ARHGEF10: variants seen among roughly 807,000 people sequenced by gnomAD.
The protein encoded by ARHGEF10 is Rho guanine nucleotide exchange factor 10, also known as Rho guanine nucleotide exchange factor (GEF) 10.
Under a neutral mutation model 147.4 loss-of-function variants are expected in ARHGEF10, and 140 were observed. The observed-to-expected ratio is 0.95, with a 90% CI of 0.83 to 1.09. The LOEUF is 1.09. Ranked by LOEUF, ARHGEF10 falls within the 50% of genes least tolerant of loss-of-function variation. The pLI, the probability that ARHGEF10 is intolerant of heterozygous loss-of-function variation, is 0.00. For synonymous variants in ARHGEF10, 902 were observed against 695.8 expected, an observed-to-expected ratio of 1.30 and a Z score of -4.67; for missense variants, 2,222 against 1,752.7, an observed-to-expected ratio of 1.27 and a Z score of -4.78.
intron 18 of ARHGEF10, among the ~76,000 whole-genome samples, chr8:1,915,062 T>C (rs973510276): frequency 3.9e-5 from 6 of 152,216 alleles, no homozygotes; most frequent in African/African-American, 1.2e-4. Context: ...GCCACCACTC[T>C]CTGTGTCCTG....
rs557115904 is a variant in ARHGEF10 at position 1,917,764 on chromosome 8, TTTTTC to T, written c.2144-5180_2144-5176del. Among the ~76,000 whole-genome samples, 834 of 152,188 alleles carry T rather than the reference TTTTTC, an allele frequency of 5.5e-3. 6 individuals carry two copies. The highest frequency in any genetic ancestry group is 0.019 in the African/African-American group (769 of 41,524). On this transcript the variant is annotated intron_variant, in intron 18 of 28. Transcript: ENST00000349830. Reference sequence around the variant, plus strand: ...ATTCTGATTTGCAGGTGTTTCTTTCTTTTTCTTTTCTTTTCTTTTCTTTTTTTTGA... The same window carrying T: ...ATTCTGATTTGCAGGTGTTTCTTTCTTTTTCTTTTCTTTTCTTTTTTTTGA...
rs948499460 is a variant in ARHGEF10 at position 1,883,957 on chromosome 8, T to C, written c.1075+1208T>C. 1.8e-4 allele frequency among the ~76,000 whole-genome samples: 27 copies of C among 152,080 alleles called. 1 individual carries two copies. Among genetic ancestry groups the C allele is most frequent in the Non-Finnish European group, 2.9e-5 (2 of 68,010 alleles). On this transcript the variant is annotated intron_variant, in intron 10 of 28. Transcript: ENST00000349830. ...CCATGCCAGGCCCCTGAGCCAGGAT[T>C]TGCAGGCTGGCAGAGTCCCCCGGGA...
intron 28 of ARHGEF10, among the ~76,000 whole-genome samples, chr8:1,954,194 A>G (rs185859861): frequency 6.0e-4 from 92 of 152,188 alleles, no homozygotes; most frequent in African/African-American, 2.0e-3. Flanking sequence ...GCCAGGTTCA[A>G]GCTATTCTCC....
chr8:1,844,120 T>G (rs1196619070), intron 2 of ARHGEF10, among the ~76,000 whole-genome samples: 1 of 151,878 alleles, frequency 6.6e-6, no homozygotes, highest in Non-Finnish European at 1.5e-5. Context: ...ATGGGCCTGG[T>G]GTCCGTTGCA....
rs577603848 is a variant in ARHGEF10, at chr8:1,906,622, C to T, written c.1967+906C>T. On this transcript the variant is annotated intron_variant, in intron 17 of 28. Transcript: ENST00000349830. ...CAGCGAGGGTGTGCAGGTCAGCGCT[C>T]AGGAGTCGGACTCCTTAGTGTGAAC... is the stretch of plus-strand genomic sequence containing the variant. Among the ~76,000 whole-genome samples the T allele has an allele frequency of 2.0e-5, 3 of 152,296 alleles. No homozygotes were observed. In the East Asian group the frequency reaches 5.8e-4, roughly 29 times the overall value.
intron 11 of ARHGEF10, 76 bp downstream of exon 11, chr8:1,885,783 C>T (rs1193218289): frequency 1.7e-6 from 2 of 1,173,530 alleles, no homozygotes; most frequent in Non-Finnish European, 2.5e-6. Context: ...GTGTTTGATG[C>T]TGGTTGGTAA....
intron 27 of ARHGEF10, among the ~76,000 whole-genome samples, chr8:1,949,915 C>T (rs935127779): frequency 3.9e-5 from 6 of 152,064 alleles, no homozygotes. Flanking sequence ...CGTATTGCTT[C>T]TTCTACTCAC....
At chr8:1,941,252 G>T (rs1472088118) in intron 26 of ARHGEF10, among the ~76,000 whole-genome samples, 1 of 152,176 alleles carries the variant, frequency 6.6e-6, no homozygotes, top group Non-Finnish European at 1.5e-5. Flanking sequence ...TAATAAACAG[G>T]TTGAGCAAGG....
chr8:1,945,105 A>G lies in ARHGEF10; in HGVS notation c.3223-376A>G, dbSNP rs566812566. Among the ~76,000 whole-genome samples, 3 of 152,328 alleles carry G rather than the reference A, an allele frequency of 2.0e-5. No homozygotes were observed. In the East Asian group the frequency reaches 5.8e-4, roughly 29 times the overall value. On this transcript the variant is annotated intron_variant, in intron 26 of 28. Coordinates refer to ENST00000349830, the MANE Select transcript of ARHGEF10 (RefSeq NM_014629.4). ...GGCTGCAGGCAGGCAGTGGGGCCCC[A>G]TGCCATAGCTTGGAGACATCGAGGA...
At chr8:1,907,173 C>G (rs1810964396) in intron 17 of ARHGEF10, among the ~76,000 whole-genome samples, 1 of 152,178 alleles carries the variant, frequency 6.6e-6, no homozygotes, top group Admixed American at 6.5e-5. Context: ...GGTGTCTCCA[C>G]CCGTTTCCCT....
At chr8:1,878,489 A>G (rs1807899948) in intron 8 of ARHGEF10, among the ~76,000 whole-genome samples, 1 of 152,264 alleles carries the variant, frequency 6.6e-6, no homozygotes. Flanking sequence ...CCGGCCTGCA[A>G]TTGTAGTTTT....
intron 10 of ARHGEF10, among the ~76,000 whole-genome samples, chr8:1,884,216 AC>A (rs1808456019): frequency 6.6e-6 from 1 of 151,590 alleles, no homozygotes. Flanking sequence ...ACACGGTGAA[AC>A]CCCGTCTCTA....
intron 4 of ARHGEF10, among the ~76,000 whole-genome samples, chr8:1,862,432 G>C (rs552880487): frequency 2.0e-5 from 3 of 152,234 alleles, no homozygotes; most frequent in Admixed American, 2.0e-4. Context: ...GTTTACGCAC[G>C]GGCTGTTGTG....
At position 1,858,208 on chromosome 8, in the gene ARHGEF10, C is replaced by T. The variant is rs1461240695; in HGVS notation, c.193+93C>T. 3.5e-5 allele frequency: 41 copies of T among 1,169,766 alleles called. No individual in the cohort carries two copies. The Middle Eastern group carries it at 8.9e-4, about 25-fold the overall frequency. The allele number at this position is 1,169,766 out of a possible 1,614,324, so 72.5% of individuals were successfully genotyped here. On this transcript the variant is annotated intron_variant, in intron 3 of 28. Coordinates refer to ENST00000349830, the MANE Select transcript of ARHGEF10 (RefSeq NM_014629.4). ...CCCATGTGAGTCACCAGGTGAGTTC[C>T]CAGGTGAGTCCCCAGGTGAGTCCCC...
rs113824704 is a variant in ARHGEF10, at chr8:1,893,563, C to T, written c.1183-6C>T. 1.8e-5 allele frequency: 29 copies of T among 1,609,236 alleles called. No homozygotes were observed. Among genetic ancestry groups the T allele is most frequent in the African/African-American group, 4.0e-5 (3 of 74,890 alleles). ...TTCTATCATTGTACTTCCAAATTTCCAACAGGTTGTAAGAAGATATATACT... is the reference window on the plus strand; with the variant it reads ...TTCTATCATTGTACTTCCAAATTTCTAACAGGTTGTAAGAAGATATATACT... On this transcript the variant is annotated splice_polypyrimidine_tract_variant and splice_region_variant and intron_variant, in intron 11 of 28. Coordinates refer to ENST00000349830, the MANE Select transcript of ARHGEF10 (RefSeq NM_014629.4).
intron 2 of ARHGEF10, among the ~76,000 whole-genome samples, chr8:1,855,144 C>T (rs963573599): frequency 6.6e-6 from 1 of 152,188 alleles, no homozygotes; most frequent in Non-Finnish European, 1.5e-5. Context: ...TCATGTTTCT[C>T]CCCTTGCAGA....
rs1296360314 is a variant in ARHGEF10, at chr8:1,957,461, A to T, written c.*198A>T. On this transcript the variant is annotated 3_prime_UTR_variant, in exon 29 of 29. Coordinates refer to ENST00000349830, the MANE Select transcript of ARHGEF10 (RefSeq NM_014629.4). The stretch of plus-strand genomic sequence containing the variant: ...TCTCTTCTGTACAGCAGAAGTAATT[A>T]CAAGCACTTCTCACGAAGGCAGAAG... The T allele has an allele frequency of 7.8e-6, 6 of 765,194 alleles. No homozygotes were observed. The highest frequency in any genetic ancestry group is 1.2e-5 in the Non-Finnish European group (6 of 487,288). 47.4% of individuals were successfully genotyped at this position (765,194 alleles called of 1,614,324 possible).
At chr8:1,935,320 C>G (rs1171893951) in intron 26 of ARHGEF10, among the ~76,000 whole-genome samples, 1 of 152,084 alleles carries the variant, frequency 6.6e-6, no homozygotes, top group Non-Finnish European at 1.5e-5. Context: ...CCTCATCACT[C>G]AGGGTCCACT....
intron 1 of ARHGEF10, among the ~76,000 whole-genome samples, chr8:1,827,187 C>T (rs941024203): frequency 6.6e-6 from 1 of 152,274 alleles, no homozygotes; most frequent in Non-Finnish European, 1.5e-5. Flanking sequence ...CGCTGATACA[C>T]ACACACTTCT....
Sources: allele counts gnomAD v4.1 joint callset (sites outside exome capture counted in the v4.1 genomes callset), GRCh38; gene constraint gnomAD v4.1.1; transcripts MANE v1.5; gene names NCBI Gene and HGNC (gene_info 2026-07-23, HGNC 2026-07-21).